SOX5: variants seen among roughly 807,000 people sequenced by gnomAD.
SOX5 encodes SRY-box transcription factor 5, also known as transcription factor SOX-5.
A neutral mutation model predicts 92.0 loss-of-function variants in SOX5; 9 were observed. The ratio of observed to expected loss-of-function variants is 0.10; its 90% CI spans 0.06 to 0.17. The LOEUF (loss-of-function observed/expected upper bound fraction) is 0.17, where lower values mean the gene tolerates loss of function less well. Among genes scored for constraint, SOX5 ranks in the 10% least tolerant of loss-of-function variants. The pLI, the probability that SOX5 is intolerant of heterozygous loss-of-function variation, is 1.00. For missense variants in SOX5, 642 were observed against 944.5 expected (o/e 0.68, Z 4.20); for synonymous variants, 344 against 336.3 (o/e 1.02, Z -0.25).
At chr12:24,348,208 C>T (rs144574355) in intron 2 of SOX5, among the ~76,000 whole-genome samples, 15 of 151,948 alleles carry the variant, frequency 9.9e-5, no homozygotes, top group East Asian at 3.9e-4. Context: ...CTAAAGTTTG[C>T]GATCTCCTAA....
intron 1 of SOX5, among the ~76,000 whole-genome samples, chr12:24,398,072 T>G (rs1244458679): frequency 1.3e-5 from 2 of 152,152 alleles, no homozygotes; most frequent in East Asian, 1.9e-4. Context: ...GGATGGTCTC[T>G]ATCTCCTGAC....
rs978123148 is a variant in SOX5, at chr12:24,091,562, T to G, written c.-2+121781A>C. Reference sequence around the variant, plus strand: ...CTCCTGTCTCAGCCTCCCAAGTAGCTGGGATTACAGGCACACACCACCACA... The same window carrying G: ...CTCCTGTCTCAGCCTCCCAAGTAGCGGGGATTACAGGCACACACCACCACA... On this transcript the variant is annotated intron_variant, in intron 4 of 4. Transcript: ENST00000446891. 3.3e-5 allele frequency among the ~76,000 whole-genome samples: 5 copies of G among 151,768 alleles called. 1 individual carries two copies. Among genetic ancestry groups the G allele is most frequent in the Admixed American group, 6.6e-5 (1 of 15,222 alleles).
chr12:23,727,699 C>T (rs1377626251), intron 6 of SOX5, among the ~76,000 whole-genome samples: 1 of 152,050 alleles, frequency 6.6e-6, no homozygotes, highest in Non-Finnish European at 1.5e-5. Context: ...CTTCATGTTT[C>T]CAGGATCATG....
At chr12:24,447,910 G>A (rs578098684) in intron 1 of SOX5, among the ~76,000 whole-genome samples, 13 of 152,246 alleles carry the variant, frequency 8.5e-5, no homozygotes, top group Middle Eastern at 6.8e-3. Context: ...GCCGGGCGTG[G>A]TGGCTCACTC....
rs186421716 is a variant in SOX5 at position 23,575,896 on chromosome 12, G to A, written c.1165-58C>T. On this transcript the variant is annotated intron_variant, in intron 9 of 14. Coordinates refer to ENST00000451604, the MANE Select transcript of SOX5 (RefSeq NM_006940.6). The stretch of plus-strand genomic sequence containing the variant: ...AGGAAAGGCTGATAAAAAATGCCTA[G>A]AAAAACACAGGTATGCAGCCTGTCA... 5,490 of 1,330,768 alleles carry A rather than the reference G, an allele frequency of 4.1e-3. 15 individuals carry two copies. Among genetic ancestry groups the A allele is most frequent in the Non-Finnish European group, 5.0e-3 (4,913 of 974,656 alleles). 82.4% of individuals were successfully genotyped at this position (1,330,768 alleles called of 1,614,324 possible).
At chr12:24,294,376 G>A (rs577654461) in intron 2 of SOX5, among the ~76,000 whole-genome samples, 14 of 151,760 alleles carry the variant, frequency 9.2e-5, no homozygotes, top group African/African-American at 3.1e-4. Context: ...ACCAGATTTC[G>A]GTCTCAGTAA....
At chr12:23,580,856 A>C (rs1276558371) in intron 9 of SOX5, among the ~76,000 whole-genome samples, 1 of 152,104 alleles carries the variant, frequency 6.6e-6, no homozygotes, top group African/African-American at 2.4e-5. Flanking sequence ...ACAGATTAAA[A>C]AACCATTGCA....
chr12:24,172,275 G>A (rs1954290129), intron 4 of SOX5, among the ~76,000 whole-genome samples: 1 of 152,054 alleles, frequency 6.6e-6, no homozygotes, highest in Admixed American at 6.5e-5. Context: ...AGTGAGTCAC[G>A]CCTGTAATCC....
At chr12:23,953,736 G>A (rs1945942485), upstream of SOX5, among the ~76,000 whole-genome samples, 1 of 151,918 alleles carries the variant, frequency 6.6e-6, no homozygotes, top group African/African-American at 2.4e-5. Flanking sequence ...ACATAAAATG[G>A]TAAATAAGTA....
chr12:24,378,926 G>C (rs941600778), intron 1 of SOX5, among the ~76,000 whole-genome samples: 1 of 152,114 alleles, frequency 6.6e-6, no homozygotes, highest in African/African-American at 2.4e-5. Context: ...CTCTACCTTT[G>C]ACGCATTTCT....
chr12:24,537,951 G>A (rs1305805508), intron 1 of SOX5, among the ~76,000 whole-genome samples: 1 of 152,110 alleles, frequency 6.6e-6, no homozygotes, highest in Non-Finnish European at 1.5e-5. Context: ...TTTCTTGTTC[G>A]ATTGATGTTT....
chr12:23,834,316 G>C (rs529209634), intron 3 of SOX5, among the ~76,000 whole-genome samples: 1 of 152,012 alleles, frequency 6.6e-6, no homozygotes, highest in African/African-American at 2.4e-5. Flanking sequence ...ATAAAGTTAA[G>C]GGAGAACAAT....
chr12:23,839,261 A>T (rs556080832), intron 3 of SOX5, among the ~76,000 whole-genome samples: 144 of 152,204 alleles, frequency 9.5e-4, no homozygotes, highest in African/African-American at 3.2e-3. Context: ...ATACACTTCC[A>T]AATTAAGAGT....
intron 4 of SOX5, among the ~76,000 whole-genome samples, chr12:24,142,222 T>C (rs1950651159): frequency 6.6e-6 from 1 of 151,960 alleles, no homozygotes; most frequent in Admixed American, 6.6e-5. Context: ...CCAAGGAGAT[T>C]GGGGGTAAGC....
chr12:24,341,482 A>G lies in SOX5; in HGVS notation c.-174+27081T>C, dbSNP rs963444645. ...ACAGAACGAAACCGTCTCAAAAATT[A>G]ATAATAAATCAAATGTCATGCTTTA... On this transcript the variant is annotated intron_variant, in intron 2 of 4. Coordinates refer to the SOX5 transcript ENST00000446891. 2.6e-5 allele frequency among the ~76,000 whole-genome samples: 4 copies of G among 152,356 alleles called. 1 individual carries two copies. The highest frequency in any genetic ancestry group is 1.3e-4 in the Admixed American group (2 of 15,306).
At chr12:24,294,724 T>C (rs1302900490) in intron 2 of SOX5, among the ~76,000 whole-genome samples, 1 of 152,226 alleles carries the variant, frequency 6.6e-6, no homozygotes, top group Non-Finnish European at 1.5e-5. Context: ...GTGGCTGCAT[T>C]TTACTGAAGG....
chr12:24,043,836 T>G (rs1211041293), intron 4 of SOX5, among the ~76,000 whole-genome samples: 1 of 152,190 alleles, frequency 6.6e-6, no homozygotes, highest in Non-Finnish European at 1.5e-5. Context: ...TAATTTTTAC[T>G]TTCTTGGGCA....
Position 24,046,897 on chromosome 12 carries a change from G to A in SOX5, c.-1-150873C>T, listed in dbSNP as rs534356142. ...AGATAGGGTATCACCATGTTGGCAA[G>A]GCTGGTCTCAAACTCCTGACCTCAC... On this transcript the variant is annotated intron_variant, in intron 4 of 4. Transcript: ENST00000446891. 3.3e-5 allele frequency among the ~76,000 whole-genome samples: 5 copies of A among 151,842 alleles called. No individual in the cohort carries two copies. The South Asian group carries it at 6.3e-4, about 19-fold the overall frequency.
At chr12:23,767,009 T>C (rs1567597236) in intron 3 of SOX5, among the ~76,000 whole-genome samples, 1 of 151,982 alleles carries the variant, frequency 6.6e-6, no homozygotes, top group African/African-American at 2.4e-5. Context: ...AACCCAGAAG[T>C]TAATAGCCTG....
Sources: allele counts gnomAD v4.1 joint callset (sites outside exome capture counted in the v4.1 genomes callset), GRCh38; gene constraint gnomAD v4.1.1; transcripts MANE v1.5; gene names NCBI Gene and HGNC (gene_info 2026-07-23, HGNC 2026-07-21).